OPCML: variants seen among roughly 807,000 people sequenced by gnomAD.
The protein encoded by OPCML is opioid-binding protein/cell adhesion molecule.
Under a neutral mutation model 37.8 loss-of-function variants are expected in OPCML, and 13 were observed. The observed-to-expected ratio is 0.34, with a 90% CI of 0.22 to 0.55. The LOEUF is 0.55. OPCML is among the 20% of genes least tolerant of loss of function. OPCML has a pLI of 0.91. For synonymous variants in OPCML, 176 were observed against 168.8 expected (o/e 1.04, Z -0.33); for missense variants, 341 against 435.6 (o/e 0.78, Z 1.93).
chr11:133,017,543 A>G (rs1319375307), intron 1 of OPCML, among the ~76,000 whole-genome samples: 2 of 151,918 alleles, frequency 1.3e-5, no homozygotes, highest in Non-Finnish European at 2.9e-5. Context: ...GATTACAGGC[A>G]TGCACCCAGC....
intron 1 of OPCML, among the ~76,000 whole-genome samples, chr11:133,453,369 GA>G (rs1386665526): frequency 1.3e-5 from 2 of 152,148 alleles, no homozygotes; most frequent in African/African-American, 4.8e-5. Context: ...CTTTTGATTG[GA>G]TGCTAGAATG....
chr11:132,687,432 A>ACATATACATAT (rs1565776345), intron 2 of OPCML, among the ~76,000 whole-genome samples: 1 of 99,240 alleles, frequency 1.0e-5, no homozygotes, highest in African/African-American at 4.0e-5. Flanking sequence ...ATATATATTT[A>ACATATACATAT]ATCTGTATAG....
intron 1 of OPCML, among the ~76,000 whole-genome samples, chr11:133,391,134 AC>A (rs1945165957): frequency 6.6e-6 from 1 of 152,198 alleles, no homozygotes; most frequent in Non-Finnish European, 1.5e-5. Flanking sequence ...ATGAATGTCG[AC>A]GATGTTGCAA....
chr11:132,712,169 A>C (rs1375306302), intron 2 of OPCML, among the ~76,000 whole-genome samples: 4 of 152,172 alleles, frequency 2.6e-5, no homozygotes, highest in Non-Finnish European at 5.9e-5. Context: ...GCAGAAAATG[A>C]GATTGGATGT....
At chr11:132,491,942 T>C (rs2096217398) in intron 4 of OPCML, among the ~76,000 whole-genome samples, 1 of 150,958 alleles carries the variant, frequency 6.6e-6, no homozygotes, top group Non-Finnish European at 1.5e-5. Flanking sequence ...TTTTTTTTTT[T>C]TTTTACTATC....
chr11:132,531,280 C>T (rs1404413850), intron 3 of OPCML, among the ~76,000 whole-genome samples: 1 of 152,224 alleles, frequency 6.6e-6, no homozygotes, highest in African/African-American at 2.4e-5. Flanking sequence ...ACCTTTCTTT[C>T]TAATTTTCTT....
intron 1 of OPCML, among the ~76,000 whole-genome samples, chr11:133,151,327 A>G (rs1181250403): frequency 6.6e-6 from 1 of 152,072 alleles, no homozygotes; most frequent in East Asian, 1.9e-4. Flanking sequence ...AAAAAACTTT[A>G]AAAGAGGAAA....
intron 1 of OPCML, among the ~76,000 whole-genome samples, chr11:133,083,225 G>T (rs990099934): frequency 6.6e-6 from 1 of 152,220 alleles, no homozygotes; most frequent in African/African-American, 2.4e-5. Context: ...TTTCCCGCGG[G>T]TGCACTGAGC....
Position 133,162,884 on chromosome 11 carries a change from GA to G in OPCML, c.62-219875del, listed in dbSNP as rs149566853. ...TAGCGAAACGAGTGTTTCAGACTCA[GA>G]AAAAAGAAAGCCAGAGTTTGAATCT... On this transcript the variant is annotated intron_variant, in intron 1 of 7. Coordinates refer to ENST00000524381, the MANE Select transcript of OPCML (RefSeq NM_001012393.5). Among the ~76,000 whole-genome samples, 1,362 of 152,246 alleles carry G rather than the reference GA, an allele frequency of 8.9e-3. 16 individuals carry two copies. The highest frequency in any genetic ancestry group is 0.032 in the African/African-American group (1,314 of 41,528).
intron 2 of OPCML, among the ~76,000 whole-genome samples, chr11:132,902,848 C>A (rs565751218): frequency 3.9e-5 from 6 of 152,012 alleles, no homozygotes; most frequent in Non-Finnish European, 8.8e-5. Flanking sequence ...GTCACCACAC[C>A]CAGATAGACT....
intron 2 of OPCML, among the ~76,000 whole-genome samples, chr11:132,890,186 T>C (rs1943586949): frequency 6.6e-6 from 1 of 152,184 alleles, no homozygotes; most frequent in Non-Finnish European, 1.5e-5. Context: ...GTCAAGGGTG[T>C]TCTTGGAAGC....
At chr11:133,408,588 G>A (rs138548443) in intron 1 of OPCML, among the ~76,000 whole-genome samples, 3 of 152,188 alleles carry the variant, frequency 2.0e-5, no homozygotes, top group South Asian at 2.1e-4. Flanking sequence ...CAGGGCGCCA[G>A]GTGGGAGTCA....
At chr11:133,075,659 A>G (rs749913746) in intron 1 of OPCML, among the ~76,000 whole-genome samples, 17 of 152,236 alleles carry the variant, frequency 1.1e-4, no homozygotes, top group Non-Finnish European at 1.8e-4. Context: ...CTGGGGAGAG[A>G]TCTGACAATT....
intron 1 of OPCML, among the ~76,000 whole-genome samples, chr11:133,476,800 C>T (rs370585466): frequency 1.2e-4 from 19 of 152,170 alleles, no homozygotes; most frequent in African/African-American, 4.1e-4. Context: ...CATTTCACAC[C>T]CCCGCTGGCT....
At chr11:132,575,136 T>C (rs2096447371) in intron 3 of OPCML, among the ~76,000 whole-genome samples, 1 of 152,006 alleles carries the variant, frequency 6.6e-6, no homozygotes, top group African/African-American at 2.4e-5. Context: ...TTTAAGCCTA[T>C]GTGTGCCCTT....
intron 1 of OPCML, among the ~76,000 whole-genome samples, chr11:133,483,535 T>C (rs1209689573): frequency 2.0e-5 from 3 of 151,850 alleles, no homozygotes; most frequent in African/African-American, 7.2e-5. Flanking sequence ...GATACATAGA[T>C]GATAGATTAG....
intron 1 of OPCML, among the ~76,000 whole-genome samples, chr11:133,387,172 G>T (rs1308448126): frequency 1.3e-5 from 2 of 152,322 alleles, no homozygotes; most frequent in Middle Eastern, 3.4e-3. Flanking sequence ...GCAGGATCCA[G>T]GCTCAGGGCT....
intron 1 of OPCML, among the ~76,000 whole-genome samples, chr11:133,222,261 C>A (rs891848925): frequency 6.6e-6 from 1 of 152,088 alleles, no homozygotes; most frequent in Non-Finnish European, 1.5e-5. Flanking sequence ...GCCATACAGG[C>A]CAGCTATAAA....
chr11:133,419,187 G>A (rs533874955), intron 1 of OPCML: 1 of 951,444 alleles, frequency 1.1e-6, no homozygotes, highest in Non-Finnish European at 1.3e-6. Context: ...CAGTAAGTTG[G>A]CTTTTTCTGT....
Sources: gnomAD v4.1 joint callset for allele counts (sites outside exome capture counted in the v4.1 genomes callset) on GRCh38, gnomAD v4.1.1 for gene constraint, MANE v1.5 for transcripts, NCBI Gene and HGNC (gene_info 2026-07-23, HGNC 2026-07-21) for gene names.